The following PTPRS variants were observed in gnomAD, a reference collection of about 807,000 sequenced individuals.
PTPRS encodes protein tyrosine phosphatase receptor type S, also known as receptor-type tyrosine-protein phosphatase S.
PTPRS carries 63 observed loss-of-function variants against 215.3 expected under a neutral mutation model. That is an observed-to-expected ratio of 0.29 (90% CI 0.24 to 0.36). The LOEUF (loss-of-function observed/expected upper bound fraction) is 0.36. PTPRS is among the 10% of genes least tolerant of loss of function. PTPRS has a pLI of 1.00. For synonymous variants in PTPRS, 1,404 were observed against 1,191.4 expected (o/e 1.18, Z -3.68); for missense variants, 2,258 against 2,825.8 (o/e 0.80, Z 4.56).
intron 1 of PTPRS, among the ~76,000 whole-genome samples, chr19:5,315,023 A>G (rs1252180923): frequency 6.6e-6 from 1 of 152,218 alleles, no homozygotes; most frequent in Non-Finnish European, 1.5e-5. Flanking sequence ...GCAGGCCACA[A>G]AGTGAAACAA....
chr19:5,222,557 G>C, intron 18 of PTPRS, 132 bp downstream of exon 18: 1 of 1,105,992 alleles, frequency 9.0e-7, no homozygotes, highest in East Asian at 2.8e-5. Flanking sequence ...CTCGGGGTCC[G>C]GACTTGCCTT....
At chr19:5,260,679 G>T in intron 7 of PTPRS, 126 bp downstream of exon 7, 1 of 1,265,002 alleles carries the variant, frequency 7.9e-7, no homozygotes, top group South Asian at 1.3e-5. Context: ...ACACTGGGTG[G>T]AACAAAGGTG....
chr19:5,275,578 G>A (rs760857788), intron 2 of PTPRS, among the ~76,000 whole-genome samples: 2 of 151,284 alleles, frequency 1.3e-5, no homozygotes, highest in African/African-American at 4.9e-5. Flanking sequence ...GGCTGAGGCC[G>A]GAGGATCACC....
In PTPRS at chr19:5,330,764, C is replaced by T. The variant is rs116774770; in HGVS notation, c.-95+9900G>A. ...CTGGGGCGTTCAGACCCCTAATGCC[C>T]TTCCCCAGCAGGGCCGGAGTCTGGG... On this transcript the variant is annotated intron_variant, in intron 1 of 37. Coordinates refer to ENST00000262963, the MANE Select transcript of PTPRS (RefSeq NM_002850.4). 7.9e-3 allele frequency among the ~76,000 whole-genome samples: 1,209 copies of T among 152,304 alleles called. 12 individuals are homozygous for T. The highest frequency in any genetic ancestry group is 0.027 in the African/African-American group (1,121 of 41,560).
In PTPRS at chr19:5,223,092, C is replaced by T. The variant is rs770802967; in HGVS notation, c.2700G>A (p.Thr900=). Residue 900 remains threonine, a synonymous_variant, in exon 18 of 38, where the codon ACG becomes ACA. Coordinates refer to ENST00000262963, the MANE Select transcript of PTPRS (RefSeq NM_002850.4). ...YTASGVHKGA[T]YVFRLAARSR... Reference sequence around the variant, plus strand: ...TCCGGGCCGCAAGCCGGAACACATACGTGGCCCCCTTGTGCACGCCTGATG... The same window carrying T: ...TCCGGGCCGCAAGCCGGAACACATATGTGGCCCCCTTGTGCACGCCTGATG... The T allele has an allele frequency of 1.3e-5, 20 of 1,562,680 alleles. No individual in the cohort carries two copies. The highest frequency in any genetic ancestry group is 9.4e-5 in the South Asian group (8 of 85,102).
At chr19:5,297,539 C>G (rs2049172711) in intron 1 of PTPRS, among the ~76,000 whole-genome samples, 1 of 152,106 alleles carries the variant, frequency 6.6e-6, no homozygotes, top group African/African-American at 2.4e-5. Context: ...GAAAAACAAA[C>G]ACTGTCAATA....
At chr19:5,327,800 T>G (rs1237306980) in intron 1 of PTPRS, among the ~76,000 whole-genome samples, 3 of 152,004 alleles carry the variant, frequency 2.0e-5, no homozygotes, top group Non-Finnish European at 4.4e-5. Flanking sequence ...GGGGTCTTCC[T>G]ATGTTGCCCA....
chr19:5,236,838 G>C (rs1352856001), intron 13 of PTPRS, among the ~76,000 whole-genome samples: 1 of 133,152 alleles, frequency 7.5e-6, no homozygotes, highest in East Asian at 2.0e-4. Context: ...GAATCAGGCA[G>C]GGAGCAGGGG....
chr19:5,208,733 A>G (rs1368258312), intron 35 of PTPRS, among the ~76,000 whole-genome samples: 2 of 152,054 alleles, frequency 1.3e-5, no homozygotes, highest in East Asian at 3.9e-4. Context: ...GCTTTCCATA[A>G]GAGATGCTCC....
Position 5,304,455 on chromosome 19 carries a change from C to T in PTPRS, c.-94-18221G>A, listed in dbSNP as rs115544861. ...TCACACCATTGCACTCCAGCCTGGG[C>T]GAAAAGAAACTCTGTCTCAAAAAAA... On this transcript the variant is annotated intron_variant, in intron 1 of 37. Coordinates refer to ENST00000262963, the MANE Select transcript of PTPRS (RefSeq NM_002850.4). Among the ~76,000 whole-genome samples, 404 of 151,234 alleles carry T rather than the reference C, an allele frequency of 2.7e-3. 1 individual carries two copies. The highest frequency in any genetic ancestry group is 9.3e-3 in the African/African-American group (383 of 41,162).
chr19:5,225,675 C>T, intron 17 of PTPRS, 52 bp downstream of exon 17: 4 of 1,463,588 alleles, frequency 2.7e-6, no homozygotes, highest in Non-Finnish European at 2.9e-6. Flanking sequence ...CGCTCTGGTG[C>T]CAGTGGGGGC....
chr19:5,240,466 C>T lies in PTPRS; in HGVS notation c.1571-134G>A, dbSNP rs186767066. The T allele has an allele frequency of 1.7e-4, 156 of 891,752 alleles. 3 individuals are homozygous for T. In the East Asian group the frequency reaches 4.8e-3, roughly 27 times the overall value. The allele number at this position is 891,752 out of a possible 1,614,324, so 55.2% of individuals were successfully genotyped here. A position where few individuals can be genotyped will look rare whatever the true frequency, so the allele number is the denominator to read the frequency against. On this transcript the variant is annotated intron_variant, in intron 11 of 37. Transcript: ENST00000262963. The stretch of plus-strand genomic sequence containing the variant: ...GAATGTTCTTTTATTTTCCTGGGGA[C>T]CTCGCCCCCATCCCATTGTCACCTG...
Position 5,295,579 on chromosome 19 carries a change from C to T in PTPRS, c.-94-9345G>A, listed in dbSNP as rs1490755622. On this transcript the variant is annotated intron_variant, in intron 1 of 37. Coordinates refer to ENST00000262963, the MANE Select transcript of PTPRS (RefSeq NM_002850.4). This position sits in a 1 kb window ranked among gnomAD's most constrained non-coding sequence, Gnocchi z 4.6. ...TCAGGAGGCAGAGCAGGATTTGTCT[C>T]GGTCACCCAGTGTCCCCAGCACCTA... Among the ~76,000 whole-genome samples the T allele has an allele frequency of 3.9e-5, 6 of 152,310 alleles. No homozygotes were observed. Among genetic ancestry groups the T allele is most frequent in the African/African-American group, 9.6e-5 (4 of 41,564 alleles).
chr19:5,223,711 C>A (rs907076807), intron 17 of PTPRS, among the ~76,000 whole-genome samples: 2 of 151,276 alleles, frequency 1.3e-5, no homozygotes, highest in African/African-American at 2.4e-5. Context: ...TACAGGTACA[C>A]ACCACCACGC....
At chr19:5,224,216 A>C (rs1340044275) in intron 17 of PTPRS, among the ~76,000 whole-genome samples, 2 of 152,122 alleles carry the variant, frequency 1.3e-5, no homozygotes, top group African/African-American at 2.4e-5. Context: ...CTCACTTAAG[A>C]AGCAAAGACT....
At chr19:5,299,890 GAAAAGA>G (rs1021678684) in intron 1 of PTPRS, among the ~76,000 whole-genome samples, 1 of 151,502 alleles carries the variant, frequency 6.6e-6, no homozygotes, top group African/African-American at 2.4e-5. Flanking sequence ...TAAAATAAAG[GAAAAGA>G]AAAAGAAAAA....
In PTPRS at chr19:5,338,907, C is replaced by T. The variant is rs2050594726; in HGVS notation, c.-95+1757G>A. ...AGAGGCGCCGTCACCCTCTGCACCCCAAGGACAGCAGCGATAGGGGGCCAC... is the reference window on the plus strand; with the variant it reads ...AGAGGCGCCGTCACCCTCTGCACCCTAAGGACAGCAGCGATAGGGGGCCAC... On this transcript the variant is annotated intron_variant, in intron 1 of 37. Coordinates refer to ENST00000262963, the MANE Select transcript of PTPRS (RefSeq NM_002850.4). The surrounding 1 kb of genome is among the most constrained non-coding windows in gnomAD (Gnocchi z 4.2). Among the ~76,000 whole-genome samples, 1 of 152,334 alleles carries T rather than the reference C, an allele frequency of 6.6e-6. No homozygotes were observed. The highest frequency in any genetic ancestry group is 2.4e-5 in the African/African-American group (1 of 41,558).
At chr19:5,207,892 G>A in intron 37 of PTPRS, 30 bp downstream of exon 37, 1 of 1,609,220 alleles carries the variant, frequency 6.2e-7, no homozygotes, top group Non-Finnish European at 8.5e-7. Flanking sequence ...CGTGAGGCCA[G>A]GCTGCCTCCC....
chr19:5,281,586 T>G (rs973814507), intron 2 of PTPRS, among the ~76,000 whole-genome samples: 8 of 152,230 alleles, frequency 5.3e-5, no homozygotes, highest in African/African-American at 1.9e-4. Flanking sequence ...TTGAGCCTGA[T>G]TAGGGCAGAT....
Sources: gnomAD v4.1 joint callset for allele counts (sites outside exome capture counted in the v4.1 genomes callset) on GRCh38, gnomAD v4.1.1 for gene constraint, Gnocchi (gnomAD v3.1) non-coding constraint, MANE v1.5 for transcripts, NCBI Gene and HGNC (gene_info 2026-07-23, HGNC 2026-07-21) for gene names.